The following CTNNA3 variants were observed in gnomAD, a reference collection of about 807,000 sequenced individuals.
The protein encoded by CTNNA3 is catenin alpha-3.
A neutral mutation model predicts 95.7 loss-of-function variants in CTNNA3; 76 were observed. The ratio of observed to expected loss-of-function variants is 0.79; its 90% CI spans 0.66 to 0.96. CTNNA3 has a LOEUF of 0.96. Ranked by LOEUF, CTNNA3 falls within the 40% of genes least tolerant of loss-of-function variation. CTNNA3 has a pLI of 0.00. For synonymous variants in CTNNA3, 431 were observed against 374.4 expected (o/e 1.15, Z -1.74); for missense variants, 1,191 against 1,089.8 (o/e 1.09, Z -1.31).
chr10:66,210,093 G>A (rs145804288), intron 13 of CTNNA3, among the ~76,000 whole-genome samples: 16 of 151,942 alleles, frequency 1.1e-4, no homozygotes, highest in Non-Finnish European at 1.5e-4. Context: ...AATACCCAGG[G>A]TGGGTTAATT....
intron 7 of CTNNA3, among the ~76,000 whole-genome samples, chr10:67,175,972 G>T (rs1203857708): frequency 6.6e-6 from 1 of 152,058 alleles, no homozygotes; most frequent in Non-Finnish European, 1.5e-5. Context: ...TTATACATCA[G>T]AGAAGATGAA....
At chr10:67,577,604 A>G (rs1842208494) in intron 3 of CTNNA3, among the ~76,000 whole-genome samples, 1 of 151,844 alleles carries the variant, frequency 6.6e-6, no homozygotes, top group Non-Finnish European at 1.5e-5. Flanking sequence ...ACCCATGCCT[A>G]TGTCCTGAAT....
At chr10:67,675,550 G>A (rs1840519959) in intron 1 of CTNNA3, among the ~76,000 whole-genome samples, 1 of 152,118 alleles carries the variant, frequency 6.6e-6, no homozygotes, top group South Asian at 2.1e-4. Context: ...GCTCAAAGTT[G>A]GCACTCTGCC....
intron 11 of CTNNA3, among the ~76,000 whole-genome samples, chr10:66,414,576 G>A (rs1390451887): frequency 1.3e-5 from 2 of 152,186 alleles, no homozygotes; most frequent in African/African-American, 2.4e-5. Context: ...TCCCATGGAG[G>A]AAGCTTGAAT....
chr10:66,888,622 G>A lies in CTNNA3; in HGVS notation c.1048-113098C>T, dbSNP rs1279098512. Among the ~76,000 whole-genome samples the A allele has an allele frequency of 2.0e-5, 3 of 151,834 alleles. No individual in the cohort carries two copies. The East Asian group carries it at 5.8e-4, about 29-fold the overall frequency. ...AATGATTTTCCTAAAAGATTACTGT[G>A]GAAAAGATGCTTCACAACCTCATAG... On this transcript the variant is annotated intron_variant, in intron 7 of 17. Coordinates refer to ENST00000433211, the MANE Select transcript of CTNNA3 (RefSeq NM_013266.4).
intron 13 of CTNNA3, among the ~76,000 whole-genome samples, chr10:66,173,861 C>T (rs1373876994): frequency 6.6e-6 from 1 of 152,076 alleles, no homozygotes; most frequent in Non-Finnish European, 1.5e-5. Flanking sequence ...CTACTATGTT[C>T]CAGGTACTCT....
intron 5 of CTNNA3, among the ~76,000 whole-genome samples, chr10:67,229,517 G>A (rs962427704): frequency 2.6e-5 from 4 of 152,168 alleles, no homozygotes; most frequent in Non-Finnish European, 5.9e-5. Flanking sequence ...TGGTAAAGAG[G>A]AAGTCAAGCT....
intron 11 of CTNNA3, among the ~76,000 whole-genome samples, chr10:66,446,502 A>C (rs1183781078): frequency 1.3e-5 from 2 of 151,310 alleles, no homozygotes; most frequent in Non-Finnish European, 2.9e-5. Context: ...CATCCCTGGG[A>C]TGCAAGGCTG....
chr10:66,864,846 A>G (rs1339956192), intron 7 of CTNNA3, among the ~76,000 whole-genome samples: 1 of 152,152 alleles, frequency 6.6e-6, no homozygotes, highest in Non-Finnish European at 1.5e-5. Context: ...CCTAAAATAC[A>G]TATATATTCT....
intron 5 of CTNNA3, among the ~76,000 whole-genome samples, chr10:67,444,409 A>C (rs1361305789): frequency 6.6e-6 from 1 of 152,174 alleles, no homozygotes; most frequent in African/African-American, 2.4e-5. Context: ...TCCAGGAGGC[A>C]AGTTCATACC....
intron 14 of CTNNA3, among the ~76,000 whole-genome samples, chr10:66,092,985 A>C (rs2133699900): frequency 6.6e-6 from 1 of 152,100 alleles, no homozygotes; most frequent in Admixed American, 6.6e-5. Flanking sequence ...ATTGAATATT[A>C]ATTTTTACAT....
chr10:67,700,674 G>GA (rs1394677206), upstream of CTNNA3, among the ~76,000 whole-genome samples: 5 of 152,048 alleles, frequency 3.3e-5, no homozygotes, highest in African/African-American at 9.7e-5. Flanking sequence ...CAAAGATGGG[G>GA]AAAAAACAGA....
At chr10:67,622,962 T>C (rs965940542) in intron 2 of CTNNA3, among the ~76,000 whole-genome samples, 2 of 152,206 alleles carry the variant, frequency 1.3e-5, no homozygotes, top group South Asian at 4.1e-4. Flanking sequence ...TACTAACTTT[T>C]AAGGTTACTC....
At chr10:66,793,292 T>G (rs1311031739) in intron 7 of CTNNA3, among the ~76,000 whole-genome samples, 1 of 152,002 alleles carries the variant, frequency 6.6e-6, no homozygotes, top group Non-Finnish European at 1.5e-5. Context: ...CAGGTGCACA[T>G]CACCACACCC....
chr10:67,427,992 T>C (rs1241376665), intron 5 of CTNNA3, among the ~76,000 whole-genome samples: 1 of 152,052 alleles, frequency 6.6e-6, no homozygotes, highest in Non-Finnish European at 1.5e-5. Flanking sequence ...AATTTTCCCA[T>C]GAAAAGTCTT....
At chr10:66,807,727 A>C (rs1841711014) in intron 7 of CTNNA3, among the ~76,000 whole-genome samples, 1 of 152,184 alleles carries the variant, frequency 6.6e-6, no homozygotes, top group African/African-American at 2.4e-5. Context: ...AAAATTTTTA[A>C]AATACAAAAT....
intron 9 of CTNNA3, among the ~76,000 whole-genome samples, chr10:66,676,918 T>C (rs1204340867): frequency 1.3e-5 from 2 of 152,054 alleles, no homozygotes; most frequent in African/African-American, 4.8e-5. Flanking sequence ...TGAATCTCCC[T>C]CAAAGTCTCA....
At chr10:66,214,979 A>T (rs994579059) in intron 13 of CTNNA3, among the ~76,000 whole-genome samples, 2 of 152,304 alleles carry the variant, frequency 1.3e-5, no homozygotes, top group African/African-American at 2.4e-5. Context: ...TCCAAGGTTG[A>T]TGACTAGATA....
At chr10:67,579,110 T>G (rs1382469347) in intron 3 of CTNNA3, among the ~76,000 whole-genome samples, 1 of 147,310 alleles carries the variant, frequency 6.8e-6, no homozygotes, top group East Asian at 2.0e-4. Context: ...ACGTGCAGGT[T>G]TGTTACATAT....
Sources: gnomAD v4.1 joint callset for allele counts (sites outside exome capture counted in the v4.1 genomes callset) on GRCh38, gnomAD v4.1.1 for gene constraint, MANE v1.5 for transcripts, NCBI Gene and HGNC (gene_info 2026-07-23, HGNC 2026-07-21) for gene names.